Variants in CCDC171 observed in about 807,000 individuals in gnomAD.
CCDC171 encodes the protein coiled-coil domain-containing protein 171.
Under a neutral mutation model 168.2 loss-of-function variants are expected in CCDC171, and 177 were observed. That is an observed-to-expected ratio of 1.05 (90% CI 0.93 to 1.19). The LOEUF is 1.19. Among genes scored for constraint, CCDC171 ranks in the 50% most tolerant of loss-of-function variants. The pLI, the probability that CCDC171 is intolerant of heterozygous loss-of-function variation, is 0.00. For synonymous variants in CCDC171, 687 were observed against 540.8 expected (o/e 1.27, Z -3.75); for missense variants, 1,991 against 1,539.0 (o/e 1.29, Z -4.91).
chr9:15,637,619 C>A, intron 7 of CCDC171, among the ~76,000 whole-genome samples: 1 of 109,082 alleles, frequency 9.2e-6, no homozygotes, highest in Non-Finnish European at 1.8e-5. Context: ...TCCCTCCCCC[C>A]TCCCCCCACC....
intron 8 of CCDC171, among the ~76,000 whole-genome samples, chr9:15,660,736 C>T (rs2048251487): frequency 1.3e-5 from 2 of 152,104 alleles, no homozygotes; most frequent in African/African-American, 4.8e-5. Context: ...TTGATGAGCA[C>T]CTGTGTTGAT....
chr9:15,955,145 G>T (rs1255590468), intron 25 of CCDC171, among the ~76,000 whole-genome samples: 1 of 152,154 alleles, frequency 6.6e-6, no homozygotes, highest in Non-Finnish European at 1.5e-5. Flanking sequence ...ATCAGCCTGA[G>T]ATGTAAACTT....
At chr9:15,801,935 T>C (rs1472787040) in intron 21 of CCDC171, among the ~76,000 whole-genome samples, 1 of 152,112 alleles carries the variant, frequency 6.6e-6, no homozygotes, top group Non-Finnish European at 1.5e-5. Flanking sequence ...TATTGGCATA[T>C]GTTGAACCAT....
At chr9:15,964,441 C>T (rs1830610341) in intron 25 of CCDC171, among the ~76,000 whole-genome samples, 1 of 151,760 alleles carries the variant, frequency 6.6e-6, no homozygotes, top group Non-Finnish European at 1.5e-5. Context: ...TCAATTCTCT[C>T]GAATTGTTTG....
chr9:15,881,070 G>T (rs1052332097), intron 24 of CCDC171, among the ~76,000 whole-genome samples: 1 of 152,064 alleles, frequency 6.6e-6, no homozygotes, highest in Non-Finnish European at 1.5e-5. Flanking sequence ...CCTAGATATG[G>T]GGCCTAACTT....
At chr9:15,566,431 C>G (rs1223004866) in intron 2 of CCDC171, among the ~76,000 whole-genome samples, 2 of 151,980 alleles carry the variant, frequency 1.3e-5, no homozygotes, top group African/African-American at 4.8e-5. Context: ...TGGTGGTGTG[C>G]CTGTGTGGTC....
chr9:15,750,087 A>C (rs1259903971), intron 18 of CCDC171, among the ~76,000 whole-genome samples: 1 of 151,990 alleles, frequency 6.6e-6, no homozygotes, highest in Non-Finnish European at 1.5e-5. Context: ...CAAGACTAAT[A>C]AGAAAGAGAG....
intron 18 of CCDC171, among the ~76,000 whole-genome samples, chr9:15,776,633 T>G (rs1021076894): frequency 1.1e-4 from 17 of 152,348 alleles, no homozygotes; most frequent in African/African-American, 3.8e-4. Context: ...GCTCAAATTT[T>G]ATAACAGTGT....
At chr9:15,743,047 G>T (rs185755381) in intron 16 of CCDC171, among the ~76,000 whole-genome samples, 57 of 151,620 alleles carry the variant, frequency 3.8e-4, no homozygotes, top group African/African-American at 1.3e-3. Flanking sequence ...CAAAAGTGCT[G>T]GGATTATAGG....
chr9:15,959,118 A>G (rs1180175157), intron 25 of CCDC171, among the ~76,000 whole-genome samples: 1 of 152,176 alleles, frequency 6.6e-6, no homozygotes, highest in East Asian at 1.9e-4. Flanking sequence ...GGAGAGATGC[A>G]GGGACAAACA....
chr9:15,590,797 C>CT (rs1298619600), intron 4 of CCDC171, among the ~76,000 whole-genome samples: 1 of 142,562 alleles, frequency 7.0e-6, no homozygotes, highest in African/African-American at 2.6e-5. Flanking sequence ...TTCTTTCTTT[C>CT]TTTCTTTCTT....
chr9:15,676,315 A>G (rs1229727832), intron 9 of CCDC171, among the ~76,000 whole-genome samples: 2 of 152,146 alleles, frequency 1.3e-5, no homozygotes. Context: ...GTGATGGGTT[A>G]GAACATGCTC....
At chr9:16,031,523 G>T (rs902362197) in intron 6 of CCDC171, among the ~76,000 whole-genome samples, 8 of 152,148 alleles carry the variant, frequency 5.3e-5, no homozygotes, top group African/African-American at 1.7e-4. Context: ...TGAATCTGTT[G>T]CACCCTAATT....
At chr9:16,002,195 T>C (rs866421776) in intron 3 of CCDC171, among the ~76,000 whole-genome samples, 2 of 149,700 alleles carry the variant, frequency 1.3e-5, no homozygotes, top group Non-Finnish European at 3.0e-5. Flanking sequence ...CTTTTTTTTT[T>C]AAAAAAAGTT....
chr9:15,779,213 CT>C, intron 20 of CCDC171, 63 bp downstream of exon 20: 10 of 942,812 alleles, frequency 1.1e-5, no homozygotes, highest in South Asian at 4.0e-5. Flanking sequence ...TCTCTATATC[CT>C]TTTTTCCTTA....
intron 6 of CCDC171, among the ~76,000 whole-genome samples, chr9:15,611,441 A>G (rs1447445408): frequency 2.0e-5 from 3 of 152,144 alleles, no homozygotes. Context: ...GAGCCCTTGC[A>G]TTGAATTAGG....
the CCDC171 span, among the ~76,000 whole-genome samples, chr9:16,067,603 G>A: frequency 3.9e-5 from 6 of 152,146 alleles, no homozygotes; most frequent in Non-Finnish European, 7.4e-5. Flanking sequence ...TAGGTCTAAC[G>A]TTTAAGTCTT....
intron 24 of CCDC171, among the ~76,000 whole-genome samples, chr9:15,907,391 A>G (rs1157990263): frequency 1.3e-5 from 2 of 152,248 alleles, no homozygotes; most frequent in Non-Finnish European, 2.9e-5. Flanking sequence ...AAACCTGACA[A>G]AAACAAGAAA....
Position 15,613,129 on chromosome 9 carries a change from T to G in CCDC171, c.676-10138T>G, listed in dbSNP as rs183719867. 2.0e-5 allele frequency among the ~76,000 whole-genome samples: 3 copies of G among 152,346 alleles called. No homozygotes were observed. The East Asian group carries it at 5.8e-4, about 29-fold the overall frequency. On this transcript the variant is annotated intron_variant, in intron 6 of 25. Coordinates refer to ENST00000380701, the MANE Select transcript of CCDC171 (RefSeq NM_173550.4). ...CTTTATGGTTAGCTTTTTGAGGAAC[T>G]GACGGACTGTTTTCTAATGCTGCTG...
Sources: gnomAD v4.1 joint callset for allele counts (sites outside exome capture counted in the v4.1 genomes callset) on GRCh38, gnomAD v4.1.1 for gene constraint, MANE v1.5 for transcripts, NCBI Gene and HGNC (gene_info 2026-07-23, HGNC 2026-07-21) for gene names.